CLINT1: variants seen among roughly 807,000 people sequenced by gnomAD.
CLINT1 encodes the protein clathrin interacting protein localized in the trans-Golgi region.
Under a neutral mutation model 70.4 loss-of-function variants are expected in CLINT1, and 15 were observed. The observed-to-expected ratio is 0.21, with a 90% CI of 0.14 to 0.33. The LOEUF is 0.33. Ranked by LOEUF, CLINT1 falls within the 10% of genes least tolerant of loss-of-function variation. The probability of loss-of-function intolerance (pLI) is 1.00; values close to 1 mark genes in which losing one functional copy is unlikely to be tolerated. For synonymous variants in CLINT1, 227 were observed against 254.7 expected, an observed-to-expected ratio of 0.89 and a Z score of 1.04; for missense variants, 615 against 778.1, an observed-to-expected ratio of 0.79 and a Z score of 2.49.
chr5:157,824,075 CA>C (rs1238065626), intron 1 of CLINT1, among the ~76,000 whole-genome samples: 1 of 152,132 alleles, frequency 6.6e-6, no homozygotes, highest in African/African-American at 2.4e-5. Flanking sequence ...GGTTAGAGAC[CA>C]CTGCTGCAGA....
At chr5:157,829,739 G>T (rs544191163) in intron 1 of CLINT1, among the ~76,000 whole-genome samples, 4 of 133,624 alleles carry the variant, frequency 3.0e-5, no homozygotes, top group Non-Finnish European at 6.2e-5. Flanking sequence ...ACAGGGTTTC[G>T]TCATGTTGCC....
chr5:157,817,672 A>G (rs1762764230), intron 1 of CLINT1, 125 bp from the exon 2 acceptor site: 3 of 604,416 alleles, frequency 5.0e-6, no homozygotes, highest in Non-Finnish European at 8.8e-6. Context: ...ATGGGAGAGA[A>G]AACATCTTTT....
intron 1 of CLINT1, among the ~76,000 whole-genome samples, chr5:157,840,120 A>T: frequency 6.8e-6 from 1 of 148,124 alleles, no homozygotes; most frequent in Non-Finnish European, 1.5e-5. Context: ...GCTTGAACCC[A>T]CAAGGCAGAG....
chr5:157,835,849 TTC>T (rs1377495985), intron 1 of CLINT1, among the ~76,000 whole-genome samples: 3 of 152,174 alleles, frequency 2.0e-5, no homozygotes, highest in Non-Finnish European at 4.4e-5. Context: ...GGCACAAGAT[TTC>T]TGTGTCCCAT....
At chr5:157,829,801 C>G (rs1763167025) in intron 1 of CLINT1, among the ~76,000 whole-genome samples, 1 of 150,876 alleles carries the variant, frequency 6.6e-6, no homozygotes, top group Non-Finnish European at 1.5e-5. Context: ...CTCAGCCCTC[C>G]CAAAGTGCTG....
rs768782531 is a variant in CLINT1 at position 157,805,923 on chromosome 5, C to T, written c.885G>A (p.Gly295=). 3 of 1,613,758 alleles carry T rather than the reference C, an allele frequency of 1.9e-6. No individual in the cohort carries two copies. Among genetic ancestry groups the T allele is most frequent in the African/African-American group, 1.3e-5 (1 of 74,954 alleles). Residue 295 remains glycine, a synonymous_variant, in exon 7 of 12, where the codon GGG becomes GGA. Transcript: ENST00000411809. ...CATTCTGATCTGGACTTGCTTTGTC[C>T]CCTGTGTAATGTGCTGCTGCTCCAA... ...IDLGAAAHYT[G]DKASPDQNAS...
chr5:157,826,327 T>C (rs1763037344), intron 1 of CLINT1, among the ~76,000 whole-genome samples: 1 of 152,192 alleles, frequency 6.6e-6, no homozygotes, highest in Admixed American at 6.5e-5. Flanking sequence ...GGTAAACTTT[T>C]GCATAGCAGA....
rs573560187 is a variant in CLINT1 at position 157,787,437 on chromosome 5, G to A, written c.*209C>T. 6.8e-6 allele frequency: 4 copies of A among 587,804 alleles called. No homozygotes were observed. In the South Asian group the frequency reaches 8.4e-5, roughly 12 times the overall value. The allele number at this position is 587,804 out of a possible 1,614,324, so 36.4% of individuals were successfully genotyped here. A position where few individuals can be genotyped will look rare whatever the true frequency, so the allele number is the denominator to read the frequency against. The stretch of plus-strand genomic sequence containing the variant: ...TGGTCTATCCTCACTGGAAAAAAAT[G>A]ATTTTGACTGCCTCATCTGAAGTGC... On this transcript the variant is annotated 3_prime_UTR_variant, in exon 12 of 12. Transcript: ENST00000411809.
intron 1 of CLINT1, among the ~76,000 whole-genome samples, chr5:157,830,777 TC>T (rs1763207267): frequency 7.7e-6 from 1 of 129,988 alleles, no homozygotes; most frequent in Non-Finnish European, 1.6e-5. Flanking sequence ...TCTCTCTCTC[TC>T]TCTCTCTCTC....
chr5:157,817,495 T>C lies in CLINT1; in HGVS notation c.94A>G (p.Thr32Ala), dbSNP rs1436953880. 5 of 1,606,878 alleles carry C rather than the reference T, an allele frequency of 3.1e-6. No homozygotes were observed. Among genetic ancestry groups the C allele is most frequent in the Non-Finnish European group, 4.3e-6 (5 of 1,176,458 alleles). Residue 32 changes from threonine to alanine, a missense_variant, in exon 2 of 12, where the codon ACG becomes GCG. This residue lies in a region of CLINT1 where 241 missense variants were observed against 368.6 expected (regional missense o/e 0.65). Transcript: ENST00000411809. ...SEIESKVREA[T>A]NDDPWGPSGQ... ...GAAGGTCCCCAAGGATCATCGTTCG[T>C]TGCCTCTCGAACCTTAGACTCGATC...
chr5:157,856,640 A>G (rs1203376757), intron 1 of CLINT1, among the ~76,000 whole-genome samples: 2 of 152,190 alleles, frequency 1.3e-5, no homozygotes, highest in African/African-American at 4.8e-5. Context: ...TGGGGGGAAG[A>G]ATTTCTTCTC....
chr5:157,788,093 A>G (rs756572845), intron 11 of CLINT1, 101 bp from the exon 12 acceptor site: 1 of 912,524 alleles, frequency 1.1e-6, no homozygotes, highest in Non-Finnish European at 1.7e-6. Context: ...ATACTTCTTT[A>G]GCCCCAATAA....
At chr5:157,835,287 T>C (rs1763379853) in intron 1 of CLINT1, among the ~76,000 whole-genome samples, 1 of 152,198 alleles carries the variant, frequency 6.6e-6, no homozygotes, top group African/African-American at 2.4e-5. Flanking sequence ...ACATCAGTTA[T>C]AGTGCTGTTG....
At chr5:157,790,038 T>G (rs1716810465) in intron 10 of CLINT1, 1 of 165,488 alleles carries the variant, frequency 6.0e-6, no homozygotes, top group African/African-American at 2.4e-5. Flanking sequence ...CCATCTCTAC[T>G]AAAAATACAA....
chr5:157,816,944 A>T (rs1181397195), intron 2 of CLINT1, 114 bp from the exon 3 acceptor site: 1 of 688,916 alleles, frequency 1.5e-6, no homozygotes, highest in Non-Finnish European at 2.3e-6. Flanking sequence ...AATAAACTTA[A>T]TTCAAAAAAT....
intron 1 of CLINT1, among the ~76,000 whole-genome samples, chr5:157,853,891 T>C (rs1753662857): frequency 6.6e-6 from 1 of 150,530 alleles, no homozygotes; most frequent in African/African-American, 2.4e-5. Flanking sequence ...ACAGTAGTAC[T>C]AAATAGATTA....
At chr5:157,835,032 C>T (rs1209045509) in intron 1 of CLINT1, among the ~76,000 whole-genome samples, 1 of 152,134 alleles carries the variant, frequency 6.6e-6, no homozygotes, top group African/African-American at 2.4e-5. Context: ...GCACACATTC[C>T]CATCCGAGGT....
rs200245441 is a variant in CLINT1, at chr5:157,791,796, C to G, written c.1287G>C (p.Ser429=). The change falls in exon 10 of 12, where the codon TCG becomes TCC. Residue 429 remains serine (S), a synonymous_variant. Coordinates refer to ENST00000411809, the MANE Select transcript of CLINT1 (RefSeq NM_014666.4). ...GGGAAGATGTCATGGTTGCCTGGGA[C>G]GAGCCCATAAGATCAAACAGGTCTG... ...NSSDLFDLMG[S]SQATMTSSQS... 4.8e-5 allele frequency: 77 copies of G among 1,613,816 alleles called. No homozygotes were observed. Among genetic ancestry groups the G allele is most frequent in the Non-Finnish European group, 6.1e-5 (72 of 1,179,874 alleles).
chr5:157,834,336 G>A (rs770386466), intron 1 of CLINT1, among the ~76,000 whole-genome samples: 1 of 151,166 alleles, frequency 6.6e-6, no homozygotes, highest in Non-Finnish European at 1.5e-5. Context: ...CTGCGCCACC[G>A]CACTCCAGCC....
Sources: gnomAD v4.1 joint callset for allele counts (sites outside exome capture counted in the v4.1 genomes callset) on GRCh38, gnomAD v4.1.1 for gene constraint, gnomAD v4.1.1 regional missense constraint, MANE v1.5 for transcripts, NCBI Gene and HGNC (gene_info 2026-07-23, HGNC 2026-07-21) for gene names.